Variants in FAM222B observed in about 807,000 individuals in gnomAD.
The protein encoded by FAM222B is protein FAM222B.
FAM222B carries 12 observed loss-of-function variants against 38.0 expected under a neutral mutation model. The ratio of observed to expected loss-of-function variants is 0.32; its 90% CI spans 0.20 to 0.51. The LOEUF is 0.51. Ranked by LOEUF, FAM222B falls within the 20% of genes least tolerant of loss-of-function variation. The pLI is 0.97. For synonymous variants in FAM222B, 329 were observed against 317.2 expected (o/e 1.04, Z -0.40); for missense variants, 716 against 754.2 (o/e 0.95, Z 0.59).
chr17:28,782,431 A>T, intron 1 of FAM222B, among the ~76,000 whole-genome samples: 1 of 152,222 alleles, frequency 6.6e-6, no homozygotes, highest in Non-Finnish European at 1.5e-5. Context: ...ATTATTTAAA[A>T]ACTGGAAATA....
chr17:28,794,544 A>C (rs530762225), intron 1 of FAM222B, among the ~76,000 whole-genome samples: 15 of 152,220 alleles, frequency 9.9e-5, no homozygotes, highest in Admixed American at 6.5e-4. Context: ...TAAAGAGATA[A>C]GATTTTGCTT....
At chr17:28,763,302 T>A (rs2035173319) in intron 2 of FAM222B, among the ~76,000 whole-genome samples, 1 of 152,304 alleles carries the variant, frequency 6.6e-6, no homozygotes, top group East Asian at 1.9e-4. Flanking sequence ...AAATGAGCAT[T>A]TTCATTGAAA....
intron 1 of FAM222B, among the ~76,000 whole-genome samples, chr17:28,814,307 T>C (rs1167154214): frequency 6.6e-6 from 1 of 152,136 alleles, no homozygotes; most frequent in African/African-American, 2.4e-5. Context: ...TCTACAACAC[T>C]GCTTAATCCC....
At chr17:28,813,976 A>G (rs1399034079) in intron 1 of FAM222B, among the ~76,000 whole-genome samples, 1 of 151,936 alleles carries the variant, frequency 6.6e-6, no homozygotes, top group African/African-American at 2.4e-5. Context: ...TTGGGAGGCC[A>G]ACGTGGGCAG....
intron 1 of FAM222B, among the ~76,000 whole-genome samples, chr17:28,785,160 G>A (rs2036348382): frequency 6.6e-6 from 1 of 151,470 alleles, no homozygotes; most frequent in Non-Finnish European, 1.5e-5. Flanking sequence ...CTTGTTCTGT[G>A]ATATAAAGCT....
chr17:28,820,257 G>C (rs774850092), intron 1 of FAM222B, among the ~76,000 whole-genome samples: 6 of 152,106 alleles, frequency 3.9e-5, no homozygotes, highest in Admixed American at 6.6e-5. Flanking sequence ...AAAAGGCTGA[G>C]AAAAATTTAG....
At chr17:28,838,441 G>A (rs1338378988) in intron 1 of FAM222B, among the ~76,000 whole-genome samples, 3 of 151,278 alleles carry the variant, frequency 2.0e-5, no homozygotes, top group South Asian at 2.1e-4. Flanking sequence ...TTAGCCGGGC[G>A]TGGTGACGGG....
intron 1 of FAM222B, among the ~76,000 whole-genome samples, chr17:28,824,016 T>C (rs1253458116): frequency 6.6e-6 from 1 of 151,434 alleles, no homozygotes. Context: ...TAGCTGGGAC[T>C]ACAGGCGCCT....
At chr17:28,837,223 G>A (rs995903499) in intron 1 of FAM222B, among the ~76,000 whole-genome samples, 2 of 152,078 alleles carry the variant, frequency 1.3e-5, no homozygotes, top group African/African-American at 2.4e-5. Context: ...GAGGTCAGGA[G>A]ATCGAGACCA....
intron 1 of FAM222B, among the ~76,000 whole-genome samples, chr17:28,822,197 T>C (rs1017404935): frequency 6.6e-6 from 1 of 150,776 alleles, no homozygotes; most frequent in Admixed American, 6.6e-5. Context: ...AATTTGTATA[T>C]TTTTAGTACA....
At chr17:28,814,881 C>T (rs939808010) in intron 1 of FAM222B, among the ~76,000 whole-genome samples, 1 of 149,784 alleles carries the variant, frequency 6.7e-6, no homozygotes, top group Admixed American at 6.7e-5. Flanking sequence ...TCAAGCGATT[C>T]TCCTGCCTCA....
At chr17:28,766,811 A>C (rs2035352318) in intron 1 of FAM222B, 104 bp from the exon 2 acceptor site, 1 of 619,570 alleles carries the variant, frequency 1.6e-6, no homozygotes, top group East Asian at 2.8e-5. Context: ...TTAGACACAT[A>C]AAGCAATTTA....
At chr17:28,766,547 A>G in intron 2 of FAM222B, 39 bp downstream of exon 2, 1 of 1,540,676 alleles carries the variant, frequency 6.5e-7, no homozygotes, top group Non-Finnish European at 8.8e-7. Context: ...AGACAAAAAC[A>G]AAGAATCACA....
At chr17:28,800,528 A>G (rs1477885709) in intron 1 of FAM222B, among the ~76,000 whole-genome samples, 4 of 152,224 alleles carry the variant, frequency 2.6e-5, no homozygotes, top group African/African-American at 9.6e-5. Flanking sequence ...AGAATGACAC[A>G]TTTCAGTTGG....
intron 1 of FAM222B, among the ~76,000 whole-genome samples, chr17:28,811,752 G>A (rs1408083186): frequency 6.6e-6 from 1 of 152,158 alleles, no homozygotes; most frequent in Non-Finnish European, 1.5e-5. Context: ...ACCACCATTT[G>A]ACTGGGGCTG....
At chr17:28,809,888 C>T (rs2037665247) in intron 1 of FAM222B, among the ~76,000 whole-genome samples, 1 of 152,076 alleles carries the variant, frequency 6.6e-6, no homozygotes, top group Admixed American at 6.6e-5. Flanking sequence ...TTACTGCTCA[C>T]CCATGGGTAG....
At chr17:28,776,942 G>A (rs2035924999) in intron 1 of FAM222B, 1 of 152,130 alleles carries the variant, frequency 6.6e-6, no homozygotes, top group Admixed American at 6.6e-5. Context: ...TGCAAAATCA[G>A]TCATCTTTAT....
intron 1 of FAM222B, among the ~76,000 whole-genome samples, chr17:28,852,239 C>A (rs1011566343): frequency 1.3e-5 from 2 of 151,590 alleles, no homozygotes. Flanking sequence ...TGGTGGTGGG[C>A]GCCTGCAGTC....
intron 1 of FAM222B, among the ~76,000 whole-genome samples, chr17:28,786,168 T>TA (rs1420839473): frequency 2.2e-4 from 33 of 152,032 alleles, no homozygotes; most frequent in Admixed American, 2.2e-3. Context: ...TGCATGTAAT[T>TA]ACTGACTTCC....
Sources: gnomAD v4.1 joint callset for allele counts (sites outside exome capture counted in the v4.1 genomes callset) on GRCh38, gnomAD v4.1.1 for gene constraint, MANE v1.5 for transcripts, NCBI Gene and HGNC (gene_info 2026-07-23, HGNC 2026-07-21) for gene names.